The following WWP2 variants were observed in gnomAD, a reference collection of about 807,000 sequenced individuals.
WWP2 encodes the protein NEDD4-like E3 ubiquitin-protein ligase WWP2.
In WWP2, 57 loss-of-function variants were observed where a neutral mutation model predicts 121.0. The observed-to-expected ratio is 0.47, with a 90% CI of 0.38 to 0.59. The LOEUF (loss-of-function observed/expected upper bound fraction) is 0.59, where lower values mean the gene tolerates loss of function less well. Among genes scored for constraint, WWP2 ranks in the 20% least tolerant of loss-of-function variants. WWP2 has a pLI of 0.00. For synonymous variants in WWP2, 449 were observed against 441.3 expected (o/e 1.02, Z -0.22); for missense variants, 962 against 1,158.9 (o/e 0.83, Z 2.47).
chr16:69,869,810 G>C (rs1307818827), intron 6 of WWP2, among the ~76,000 whole-genome samples: 2 of 152,142 alleles, frequency 1.3e-5, no homozygotes, highest in African/African-American at 4.8e-5. Flanking sequence ...TCTTACTTTA[G>C]AGAAGGTAGC....
At chr16:69,821,831 T>TA (rs1464809471) in intron 4 of WWP2, among the ~76,000 whole-genome samples, 1 of 151,790 alleles carries the variant, frequency 6.6e-6, no homozygotes, top group African/African-American at 2.4e-5. Flanking sequence ...GAGCTGGGAT[T>TA]ATAGGCGTGA....
chr16:69,767,037 T>TG (rs1168839990), intron 1 of WWP2, among the ~76,000 whole-genome samples: 1 of 128,990 alleles, frequency 7.8e-6, no homozygotes, highest in African/African-American at 2.9e-5. Context: ...AGGGGTTTTG[T>TG]TTTTTTTTTT....
At chr16:69,862,862 A>G (rs2057450360) in intron 6 of WWP2, among the ~76,000 whole-genome samples, 1 of 151,932 alleles carries the variant, frequency 6.6e-6, no homozygotes, top group South Asian at 2.1e-4. Flanking sequence ...CATAGCTGGG[A>G]TCACAGGCAC....
intron 4 of WWP2, among the ~76,000 whole-genome samples, chr16:69,831,479 G>A (rs2056792736): frequency 2.0e-5 from 3 of 151,962 alleles, no homozygotes; most frequent in African/African-American, 7.3e-5. Flanking sequence ...GAATAAGGAC[G>A]GCAATTTCCA....
At chr16:69,912,955 A>AAT (rs1567427338) in intron 9 of WWP2, among the ~76,000 whole-genome samples, 33 of 8,354 alleles carry the variant, frequency 4.0e-3, no homozygotes, top group Non-Finnish European at 4.8e-3. Context: ...AAAAAAAAAA[A>AAT]ATATATATAT....
intron 10 of WWP2, among the ~76,000 whole-genome samples, chr16:69,921,607 C>T (rs1302116535): frequency 2.0e-5 from 3 of 152,152 alleles, no homozygotes; most frequent in African/African-American, 4.8e-5. Flanking sequence ...CCGTGATCAT[C>T]GTGTATCTTT....
chr16:69,814,134 T>C lies in WWP2; in HGVS notation c.340+14839T>C, dbSNP rs146639151. ...CCACTTGAGGGAAAATAAAGTCAGG[T>C]ACCTTGCATACCAAATGTGGGGTCG... On this transcript the variant is annotated intron_variant, in intron 4 of 23. Transcript: ENST00000359154. Among the ~76,000 whole-genome samples, 1,092 of 152,254 alleles carry C rather than the reference T, an allele frequency of 7.2e-3. 13 individuals carry two copies. Among genetic ancestry groups the C allele is most frequent in the African/African-American group, 0.025 (1,046 of 41,564 alleles).
At chr16:69,915,924 A>G (rs978348961) in intron 9 of WWP2, among the ~76,000 whole-genome samples, 2 of 151,768 alleles carry the variant, frequency 1.3e-5, no homozygotes, top group African/African-American at 4.8e-5. Flanking sequence ...CTGTGGTCCT[A>G]GCTATTCAGG....
At chr16:69,873,710 A>T (rs920623382) in intron 7 of WWP2, among the ~76,000 whole-genome samples, 1 of 152,106 alleles carries the variant, frequency 6.6e-6, no homozygotes, top group African/African-American at 2.4e-5. Flanking sequence ...ACAAATGGGG[A>T]TGGGGGACTG....
chr16:69,851,716 C>T (rs2057217688), intron 6 of WWP2, among the ~76,000 whole-genome samples: 1 of 152,020 alleles, frequency 6.6e-6, no homozygotes. Context: ...AACGGTGGCT[C>T]ATGCCTGTAA....
rs529521856 is a variant in WWP2, at chr16:69,936,270, G to C, written c.1977-42G>C. On this transcript the variant is annotated intron_variant, in intron 18 of 23. Coordinates refer to ENST00000359154, the MANE Select transcript of WWP2 (RefSeq NM_001270454.2). The stretch of plus-strand genomic sequence containing the variant: ...CAGAGCAGGATCCAGGAAAGACCCT[G>C]ACACGGTAGACATCTCCCCACTTGG... 5.6e-6 allele frequency: 9 copies of C among 1,613,088 alleles called. No homozygotes were observed. In the African/African-American group the frequency reaches 1.1e-4, roughly 19 times the overall value.
Position 69,849,122 on chromosome 16 carries a change from C to T in WWP2, c.575+7002C>T, listed in dbSNP as rs1158981351. The stretch of plus-strand genomic sequence containing the variant: ...AACTGTGTCTGCAGACAGCCTATCC[C>T]AGAAAGGAAAGAAAAATAAACTCAG... On this transcript the variant is annotated intron_variant, in intron 6 of 23. Transcript: ENST00000359154. 3.3e-5 allele frequency among the ~76,000 whole-genome samples: 5 copies of T among 152,262 alleles called. No homozygotes were observed. The South Asian group carries it at 8.3e-4, about 25-fold the overall frequency.
intron 4 of WWP2, among the ~76,000 whole-genome samples, chr16:69,813,115 A>G (rs1188871987): frequency 6.6e-6 from 1 of 150,926 alleles, no homozygotes; most frequent in Non-Finnish European, 1.5e-5. Flanking sequence ...GCTTCTACTC[A>G]TGGATTCAGA....
intron 8 of WWP2, among the ~76,000 whole-genome samples, chr16:69,907,822 C>A (rs1213689813): frequency 6.6e-6 from 1 of 152,154 alleles, no homozygotes; most frequent in Non-Finnish European, 1.5e-5. Flanking sequence ...ATAAAATAAC[C>A]ATATGTTGTG....
chr16:69,808,192 A>G (rs2056319602), intron 4 of WWP2, among the ~76,000 whole-genome samples: 1 of 151,786 alleles, frequency 6.6e-6, no homozygotes, highest in South Asian at 2.1e-4. Context: ...AACATGCAGT[A>G]TGTTTTCTTG....
intron 1 of WWP2, among the ~76,000 whole-genome samples, chr16:69,766,692 T>A (rs1470440480): frequency 6.6e-6 from 1 of 152,100 alleles, no homozygotes; most frequent in Non-Finnish European, 1.5e-5. Flanking sequence ...GCCCCTTCCT[T>A]CCCTCACTTC....
chr16:69,790,102 C>T (rs1350180728), intron 2 of WWP2, among the ~76,000 whole-genome samples: 1 of 152,106 alleles, frequency 6.6e-6, no homozygotes, highest in Non-Finnish European at 1.5e-5. Context: ...AAAAAATTAG[C>T]CAGGCGTGGT....
intron 6 of WWP2, among the ~76,000 whole-genome samples, chr16:69,846,613 C>T (rs534344613): frequency 6.6e-5 from 10 of 151,544 alleles, no homozygotes; most frequent in African/African-American, 2.4e-4. Context: ...CCCTGCTATT[C>T]GGGAGGCTGA....
Position 69,854,083 on chromosome 16 carries a change from C to T in WWP2, c.575+11963C>T, listed in dbSNP as rs560894584. Among the ~76,000 whole-genome samples, 20 of 152,352 alleles carry T rather than the reference C, an allele frequency of 1.3e-4. 1 individual carries two copies. The South Asian group carries it at 4.1e-3, about 32-fold the overall frequency. ...GCCACAATAAGGGCACAATTCAGGG[C>T]ACGTGAGTGCTAGTTCTACTTGAAC... is the stretch of plus-strand genomic sequence containing the variant. On this transcript the variant is annotated intron_variant, in intron 6 of 23. Transcript: ENST00000359154.
Sources: allele counts gnomAD v4.1 joint callset (sites outside exome capture counted in the v4.1 genomes callset), GRCh38; gene constraint gnomAD v4.1.1; transcripts MANE v1.5; gene names NCBI Gene and HGNC (gene_info 2026-07-23, HGNC 2026-07-21).